The following GLIS3 variants were observed in gnomAD, a reference collection of about 807,000 sequenced individuals.
GLIS3 encodes GLIS family zinc finger 3.
GLIS3 carries 53 observed loss-of-function variants against 78.6 expected under a neutral mutation model. The ratio of observed to expected loss-of-function variants is 0.67; its 90% CI spans 0.54 to 0.85. GLIS3 has a LOEUF of 0.85. Ranked by LOEUF, GLIS3 falls within the 40% of genes least tolerant of loss-of-function variation. GLIS3 has a pLI of 0.00. For missense variants in GLIS3, 1,703 were observed against 1,231.1 expected (o/e 1.38, Z -5.74); for synonymous variants, 684 against 509.9 (o/e 1.34, Z -4.60).
intron 4 of GLIS3, among the ~76,000 whole-genome samples, chr9:3,951,597 G>GAAAAAAT (rs1178048036): frequency 1.3e-5 from 2 of 151,398 alleles, no homozygotes; most frequent in Non-Finnish European, 2.9e-5. Context: ...ATATTTATAA[G>GAAAAAAT]AAAAAATAAA....
chr9:4,484,412 T>A, the GLIS3 span, among the ~76,000 whole-genome samples: 1 of 123,006 alleles, frequency 8.1e-6, no homozygotes, highest in Non-Finnish European at 1.7e-5. Context: ...TAATTTTTTT[T>A]TTTTTTTTTT....
chr9:4,117,685 T>C (rs2130873544), intron 4 of GLIS3, 83 bp downstream of exon 4: 2 of 1,531,052 alleles, frequency 1.3e-6, no homozygotes, highest in East Asian at 2.2e-5. Flanking sequence ...GCAAACTCCA[T>C]GGGCCGAGTT....
intron 2 of GLIS3, among the ~76,000 whole-genome samples, chr9:4,319,798 T>C (rs1817495439): frequency 6.6e-6 from 1 of 152,150 alleles, no homozygotes; most frequent in Admixed American, 6.5e-5. Flanking sequence ...TACTAGTACC[T>C]CTTAAAATGT....
Position 4,286,384 on chromosome 9 carries a change from CG to C in GLIS3, c.41del (p.Ser14TrpfsTer71). 6.2e-7 allele frequency: 1 copy of C among 1,614,124 alleles called. No homozygotes were observed. Among genetic ancestry groups the C allele is most frequent in the Non-Finnish European group, 8.5e-7 (1 of 1,180,028 alleles). On this transcript the variant is annotated frameshift_variant, in exon 2 of 11. Transcript: ENST00000381971. LOFTEE classifies it high-confidence loss of function. ...RSCSMSLHRT[S>X]GTPQGPRMVS... ...CCATCCTAGGCCCCTGTGGGGTTCC[CG>C]ATGTCCGGTGGAGACTCATGCTGCA...
the GLIS3 span, among the ~76,000 whole-genome samples, chr9:4,359,827 C>G: frequency 6.6e-6 from 1 of 152,012 alleles, no homozygotes; most frequent in African/African-American, 2.4e-5. Flanking sequence ...AATAATTAAT[C>G]TTGATGTTAA....
the GLIS3 span, among the ~76,000 whole-genome samples, chr9:4,373,286 T>A: frequency 2.0e-5 from 2 of 98,316 alleles, no homozygotes; most frequent in African/African-American, 5.3e-5. Flanking sequence ...CAGGTCCCCT[T>A]CACCTAAATC....
chr9:3,972,210 T>C (rs1186577657), intron 4 of GLIS3, among the ~76,000 whole-genome samples: 2 of 152,206 alleles, frequency 1.3e-5, no homozygotes, highest in East Asian at 3.8e-4. Context: ...AAACTAGATA[T>C]AGGTCCTCTT....
chr9:4,419,822 T>C, the GLIS3 span, among the ~76,000 whole-genome samples: 1 of 151,662 alleles, frequency 6.6e-6, no homozygotes, highest in Non-Finnish European at 1.5e-5. Context: ...AACAACCAGA[T>C]CTCATGAGAA....
the GLIS3 span, among the ~76,000 whole-genome samples, chr9:4,437,697 C>T: frequency 5.8e-4 from 88 of 152,238 alleles, 1 homozygote; most frequent in African/African-American, 1.8e-3. Flanking sequence ...CCTTCCACCT[C>T]CTCCACTTCT....
intron 4 of GLIS3, among the ~76,000 whole-genome samples, chr9:3,994,207 G>C (rs2129824594): frequency 6.6e-6 from 1 of 152,294 alleles, no homozygotes; most frequent in East Asian, 1.9e-4. Flanking sequence ...AGCACCTGTT[G>C]GATCTATGAA....
the GLIS3 span, among the ~76,000 whole-genome samples, chr9:4,369,150 A>C: frequency 6.6e-6 from 1 of 152,076 alleles, no homozygotes; most frequent in Non-Finnish European, 1.5e-5. Flanking sequence ...CATTATTAAG[A>C]CTAGTATCTC....
At chr9:4,094,089 G>T (rs1408865396) in intron 4 of GLIS3, among the ~76,000 whole-genome samples, 1 of 152,052 alleles carries the variant, frequency 6.6e-6, no homozygotes, top group Non-Finnish European at 1.5e-5. Context: ...CCCAATCAAT[G>T]GCTTTAAGCA....
At chr9:4,224,943 T>G (rs1339749190) in intron 2 of GLIS3, among the ~76,000 whole-genome samples, 1 of 152,020 alleles carries the variant, frequency 6.6e-6, no homozygotes, top group Non-Finnish European at 1.5e-5. Flanking sequence ...ACTATGAGTA[T>G]CGTTATCATT....
At chr9:4,370,456 C>G in the GLIS3 span, among the ~76,000 whole-genome samples, 7 of 152,028 alleles carry the variant, frequency 4.6e-5, no homozygotes, top group Non-Finnish European at 1.0e-4. Context: ...AGGACTTCAT[C>G]TCACTTAGTT....
chr9:3,832,199 C>A (rs1818086902), intron 9 of GLIS3, among the ~76,000 whole-genome samples: 1 of 149,114 alleles, frequency 6.7e-6, no homozygotes, highest in African/African-American at 2.4e-5. Flanking sequence ...TTATAATTAG[C>A]ATTTATATAA....
intron 4 of GLIS3, among the ~76,000 whole-genome samples, chr9:3,982,508 C>T (rs975109928): frequency 6.6e-6 from 1 of 152,124 alleles, no homozygotes; most frequent in South Asian, 2.1e-4. Context: ...TACAAGTAAC[C>T]CATGACGGAA....
intron 3 of GLIS3, among the ~76,000 whole-genome samples, chr9:4,122,437 A>G (rs1000134237): frequency 6.6e-6 from 1 of 152,084 alleles, no homozygotes; most frequent in Admixed American, 6.6e-5. Flanking sequence ...TGCATCCTCA[A>G]CCCCCTTAGC....
chr9:4,049,819 T>C (rs1413155625), intron 4 of GLIS3, among the ~76,000 whole-genome samples: 5 of 152,138 alleles, frequency 3.3e-5, no homozygotes, highest in Non-Finnish European at 7.4e-5. Context: ...AAAGAAGACA[T>C]TTATGCAGCC....
At chr9:4,409,086 G>A in the GLIS3 span, among the ~76,000 whole-genome samples, 1 of 152,080 alleles carries the variant, frequency 6.6e-6, no homozygotes, top group Non-Finnish European at 1.5e-5. Flanking sequence ...TCAAATTTCT[G>A]TAACTCATAA....
Sources: gnomAD v4.1 joint callset for allele counts (sites outside exome capture counted in the v4.1 genomes callset) on GRCh38, gnomAD v4.1.1 for gene constraint, MANE v1.5 for transcripts, NCBI Gene and HGNC (gene_info 2026-07-23, HGNC 2026-07-21) for gene names.